Variants in DSG3 observed in about 807,000 individuals in gnomAD.
DSG3 encodes desmoglein-3.
In DSG3, 63 loss-of-function variants were observed where a neutral mutation model predicts 85.9. The observed-to-expected ratio is 0.73, with a 90% CI of 0.60 to 0.90. DSG3 has a LOEUF of 0.90. Among genes scored for constraint, DSG3 ranks in the 40% least tolerant of loss-of-function variants. The pLI is 0.00. For synonymous variants in DSG3, 447 were observed against 441.9 expected, an observed-to-expected ratio of 1.01 and a Z score of -0.14; for missense variants, 1,220 against 1,219.9, an observed-to-expected ratio of 1.00 and a Z score of 0.00.
At chr18:31,473,254 C>T (rs2072866791) in intron 14 of DSG3, among the ~76,000 whole-genome samples, 1 of 152,214 alleles carries the variant, frequency 6.6e-6, no homozygotes, top group African/African-American at 2.4e-5. Context: ...CCAGAACTAA[C>T]AGTATCCTGA....
chr18:31,472,876 AT>A, intron 14 of DSG3, 88 bp downstream of exon 14: 1 of 1,250,994 alleles, frequency 8.0e-7, no homozygotes, highest in Non-Finnish European at 1.2e-6. Flanking sequence ...CTTCTTAATA[AT>A]TTGCATCTGT....
Position 31,464,169 on chromosome 18 carries a change from C to G in DSG3, c.1058C>G (p.Ala353Gly). 1 of 1,614,052 alleles carries G rather than the reference C, an allele frequency of 6.2e-7. No individual in the cohort carries two copies. The highest frequency in any genetic ancestry group is 8.5e-7 in the Non-Finnish European group (1 of 1,179,974). The change falls in exon 9 of 16, where the codon GCT (alanine) becomes GGT (glycine). Residue 353 changes from alanine (A) to glycine (G), a missense_variant. Physicochemically the swap from Ala to Gly is moderately conservative, Grantham distance 60 (BLOSUM62 0). Coordinates refer to ENST00000257189, the MANE Select transcript of DSG3 (RefSeq NM_001944.3). Reference protein sequence around the residue: ...VKLSIAVKNKAEFHQSVISRY... With the variant: ...VKLSIAVKNKGEFHQSVISRY... Reference sequence around the variant, plus strand: ...CTTAGTATTGCTGTCAAAAACAAAGCTGAATTTCACCAATCAGTTATCTCT... The same window carrying G: ...CTTAGTATTGCTGTCAAAAACAAAGGTGAATTTCACCAATCAGTTATCTCT...
chr18:31,478,316 C>A lies in DSG3; in HGVS notation c.*2056C>A, dbSNP rs1244669212. 1 of 152,182 alleles carries A rather than the reference C, an allele frequency of 6.6e-6. No individual in the cohort carries two copies. Among genetic ancestry groups the A allele is most frequent in the Non-Finnish European group, 1.5e-5 (1 of 68,034 alleles). The allele number at this position is 152,182 out of a possible 1,614,324, so 9.4% of individuals were successfully genotyped here. The stretch of plus-strand genomic sequence containing the variant: ...ATGAGGGTTAAATTAACAACCATAA[C>A]CTTCATTTGAAGTTCAAAGGTGTAT... On this transcript the variant is annotated 3_prime_UTR_variant, in exon 16 of 16. Coordinates refer to ENST00000257189, the MANE Select transcript of DSG3 (RefSeq NM_001944.3).
chr18:31,453,965 G>A (rs8092800), intron 1 of DSG3, among the ~76,000 whole-genome samples: 41,089 of 151,770 alleles, frequency 0.27, 6,199 homozygotes, highest in African/African-American at 0.42. Context: ...TTTTTAAAAT[G>A]TCCAAAATTA....
At position 31,457,024 on chromosome 18, in the gene DSG3, C is replaced by A; in HGVS notation, c.116C>A (p.Thr39Asn). ...GGTCAATATGATGAAGAAGAGATGA[C>A]TATGCAACAAGCTAAAAGAAGGCAA... Reference protein sequence around the residue: ...TKGQYDEEEMTMQQAKRRQKR... With the variant: ...TKGQYDEEEMNMQQAKRRQKR... Residue 39 changes from threonine to asparagine, a missense_variant, in exon 3 of 16, where the codon ACT (threonine) becomes AAT (asparagine). By Grantham distance (65) the Thr-to-Asn change is moderately conservative (BLOSUM62 0). Coordinates refer to ENST00000257189, the MANE Select transcript of DSG3 (RefSeq NM_001944.3). 6.2e-7 allele frequency: 1 copy of A among 1,612,810 alleles called. No individual in the cohort carries two copies. Among genetic ancestry groups the A allele is most frequent in the Non-Finnish European group, 8.5e-7 (1 of 1,179,420 alleles).
At chr18:31,470,504 A>C (rs1164544766) in intron 12 of DSG3, among the ~76,000 whole-genome samples, 2 of 152,152 alleles carry the variant, frequency 1.3e-5, no homozygotes, top group Non-Finnish European at 2.9e-5. Flanking sequence ...TGACACTCAG[A>C]GATTTGGTTT....
chr18:31,471,423 G>A (rs964870882), intron 12 of DSG3, among the ~76,000 whole-genome samples: 1 of 152,160 alleles, frequency 6.6e-6, no homozygotes, highest in Admixed American at 6.5e-5. Context: ...ACATTACATA[G>A]CTGTTAAGTG....
chr18:31,455,751 T>G (rs2072738304), intron 1 of DSG3, among the ~76,000 whole-genome samples: 1 of 152,172 alleles, frequency 6.6e-6, no homozygotes, highest in Non-Finnish European at 1.5e-5. Flanking sequence ...CATGGCTTCA[T>G]TTTACTGTCA....
chr18:31,461,331 C>T lies in DSG3; in HGVS notation c.918C>T (p.Phe306=). The stretch of plus-strand genomic sequence containing the variant: ...CAGATAATTGGCTTGCAGTATATTT[C>T]TTTACCTCTGGGAATGAAGGAAATT... The part of the protein sequence containing the change: ...EYTDNWLAVY[F]FTSGNEGNWF... Residue 306 remains phenylalanine (F), a synonymous_variant, in exon 8 of 16, where the codon TTC becomes TTT. Transcript: ENST00000257189. 6.2e-7 allele frequency: 1 copy of T among 1,613,608 alleles called. No individual in the cohort carries two copies. The highest frequency in any genetic ancestry group is 8.5e-7 in the Non-Finnish European group (1 of 1,179,724).
chr18:31,449,466 A>T (rs9964117), intron 1 of DSG3, among the ~76,000 whole-genome samples: 2 of 151,392 alleles, frequency 1.3e-5, no homozygotes, highest in Admixed American at 1.3e-4. Flanking sequence ...GCTAAGGGGG[A>T]TTCTTTTTTT....
intron 3 of DSG3, among the ~76,000 whole-genome samples, chr18:31,457,584 TCTTC>T (rs2072755155): frequency 3.9e-5 from 1 of 25,418 alleles, no homozygotes. Flanking sequence ...TTTCTTTCTT[TCTTC>T]TTTCTTTCTT....
chr18:31,460,747 T>C (rs1283639508), intron 6 of DSG3, 86 bp from the exon 7 acceptor site: 2 of 1,219,170 alleles, frequency 1.6e-6, no homozygotes, highest in African/African-American at 3.2e-5. Flanking sequence ...TGAATATTTC[T>C]ACCTCCTTAC....
rs151296663 is a variant in DSG3, at chr18:31,464,325, T to C, written c.1214T>C (p.Ile405Thr). The stretch of plus-strand genomic sequence containing the variant: ...AGTAGCAAAAAATTGGTGGATTATA[T>C]CCTGGGAACATATCAAGCCATCGAT... ...GISSKKLVDY[I>T]LGTYQAIDED... The change falls in exon 9 of 16, where the codon ATC (isoleucine) becomes ACC (threonine). Residue 405 changes from isoleucine to threonine, a missense_variant. Coordinates refer to ENST00000257189, the MANE Select transcript of DSG3 (RefSeq NM_001944.3). 2 of 1,614,128 alleles carry C rather than the reference T, an allele frequency of 1.2e-6. No homozygotes were observed. The highest frequency in any genetic ancestry group is 2.2e-5 in the South Asian group (2 of 91,078).
At chr18:31,458,879 C>G (rs1385057527) in intron 4 of DSG3, among the ~76,000 whole-genome samples, 154 bp from the exon 5 acceptor site, 1 of 152,310 alleles carries the variant, frequency 6.6e-6, no homozygotes, top group East Asian at 1.9e-4. Flanking sequence ...CTGCCCAGAG[C>G]AGGCACCTTT....
intron 14 of DSG3, 44 bp downstream of exon 14, chr18:31,472,832 G>A: frequency 6.4e-7 from 1 of 1,553,572 alleles, no homozygotes; most frequent in Non-Finnish European, 8.9e-7. Context: ...GAGTTAAGTG[G>A]TAAATATTAA....
At chr18:31,456,615 T>G in intron 2 of DSG3, 140 bp downstream of exon 2, 2 of 437,498 alleles carry the variant, frequency 4.6e-6, no homozygotes, top group Non-Finnish European at 3.9e-6. Context: ...ATTAAAATTC[T>G]AATAACTGAT....
chr18:31,461,233 G>A lies in DSG3; in HGVS notation c.820G>A (p.Ala274Thr). 2 of 1,612,060 alleles carry A rather than the reference G, an allele frequency of 1.2e-6. No homozygotes were observed. The highest frequency in any genetic ancestry group is 1.7e-6 in the Non-Finnish European group (2 of 1,179,086). The change falls in exon 8 of 16, where the codon GCA becomes ACA. Residue 274 changes from alanine (A) to threonine (T), a missense_variant. Ala to Thr is a moderately conservative substitution (Grantham distance 58). Coordinates refer to ENST00000257189, the MANE Select transcript of DSG3 (RefSeq NM_001944.3). ...FPMFRDSQYS[A>T]RIEENILSSE... ...CTGCTTCTCGCCTTTTCAGTATTCA[G>A]CACGTATTGAAGAAAATATTTTAAG...
At chr18:31,461,504 C>G (rs2072786264) in intron 8 of DSG3, 92 bp downstream of exon 8, 1 of 1,186,978 alleles carries the variant, frequency 8.4e-7, no homozygotes, top group African/African-American at 1.6e-5. Flanking sequence ...TTGTTAATAT[C>G]ACTTTATTAC....
rs749070413 is a variant in DSG3, at chr18:31,466,557, C to A, written c.1439C>A (p.Thr480Lys). The A allele has an allele frequency of 6.2e-7, 1 of 1,614,170 alleles. No individual in the cohort carries two copies. Among genetic ancestry groups the A allele is most frequent in the South Asian group, 1.1e-5 (1 of 91,080 alleles). Residue 480 changes from threonine (T) to lysine (K), a missense_variant, in exon 11 of 16, where the codon ACG becomes AAG. Transcript: ENST00000257189. ...TACACGGGTAAAACTTCTACAGGCACGGTATATGTTAGAGTACCCGATTTC... is the reference window on the plus strand; with the variant it reads ...TACACGGGTAAAACTTCTACAGGCAAGGTATATGTTAGAGTACCCGATTTC... Reference protein sequence around the residue: ...DEYTGKTSTGTVYVRVPDFND... With the variant: ...DEYTGKTSTGKVYVRVPDFND...
Sources: allele counts gnomAD v4.1 joint callset (sites outside exome capture counted in the v4.1 genomes callset), GRCh38; gene constraint gnomAD v4.1.1; transcripts MANE v1.5; gene names NCBI Gene and HGNC (gene_info 2026-07-23, HGNC 2026-07-21).